TMEM117: variants seen among roughly 807,000 people sequenced by gnomAD.
TMEM117 encodes transmembrane protein 117.
TMEM117 carries 27 observed loss-of-function variants against 52.4 expected under a neutral mutation model. The observed-to-expected ratio is 0.51, with a 90% CI of 0.38 to 0.71. TMEM117 has a LOEUF of 0.71. TMEM117 is among the 30% of genes least tolerant of loss of function. The probability of loss-of-function intolerance (pLI) is 0.00; values close to 1 mark genes in which losing one functional copy is unlikely to be tolerated. For missense variants in TMEM117, 556 were observed against 630.5 expected (o/e 0.88, Z 1.26); for synonymous variants, 215 against 206.3 (o/e 1.04, Z -0.36).
chr12:43,818,432 TG>T, the TMEM117 span, among the ~76,000 whole-genome samples: 1 of 148,552 alleles, frequency 6.7e-6, no homozygotes, highest in South Asian at 2.1e-4. Context: ...TTTTTTTTTG[TG>T]TTTTTTTTTT....
intron 4 of TMEM117, among the ~76,000 whole-genome samples, chr12:44,155,785 A>G (rs1034012954): frequency 4.6e-5 from 7 of 152,076 alleles, no homozygotes; most frequent in African/African-American, 1.7e-4. Context: ...CTTCAGCAGA[A>G]AGTCTGCCCT....
intron 2 of TMEM117, among the ~76,000 whole-genome samples, chr12:43,874,447 CA>C (rs1943758445): frequency 6.6e-6 from 1 of 151,806 alleles, no homozygotes; most frequent in African/African-American, 2.4e-5. Flanking sequence ...AAAATTTAGC[CA>C]GGCCTGGTGG....
At chr12:43,947,319 A>G (rs890304376) in intron 3 of TMEM117, among the ~76,000 whole-genome samples, 2 of 152,332 alleles carry the variant, frequency 1.3e-5, no homozygotes, top group African/African-American at 2.4e-5. Flanking sequence ...TGGGTGAAAC[A>G]ACAAGACTCT....
chr12:44,037,454 G>T (rs913347419), intron 3 of TMEM117, among the ~76,000 whole-genome samples: 1 of 152,062 alleles, frequency 6.6e-6, no homozygotes, highest in Non-Finnish European at 1.5e-5. Flanking sequence ...GACTCCTGCC[G>T]CCTCGGCCCC....
chr12:43,942,401 T>G (rs1945058146), intron 2 of TMEM117, among the ~76,000 whole-genome samples: 1 of 152,236 alleles, frequency 6.6e-6, no homozygotes, highest in Non-Finnish European at 1.5e-5. Flanking sequence ...TGTGGAGGCT[T>G]GAAAATCCCT....
chr12:43,914,020 A>G (rs568745076), intron 2 of TMEM117, among the ~76,000 whole-genome samples: 188 of 152,296 alleles, frequency 1.2e-3, no homozygotes, highest in Non-Finnish European at 2.2e-3. Context: ...TGTGAAAGAT[A>G]GAAATGCTTT....
chr12:44,114,463 G>A (rs1188352109), intron 3 of TMEM117, among the ~76,000 whole-genome samples: 1 of 152,124 alleles, frequency 6.6e-6, no homozygotes, highest in Non-Finnish European at 1.5e-5. Context: ...CAGGAGTACT[G>A]AACCCAGATC....
chr12:43,982,121 G>A (rs549215125), intron 3 of TMEM117, among the ~76,000 whole-genome samples: 1 of 152,248 alleles, frequency 6.6e-6, no homozygotes, highest in South Asian at 2.1e-4. Flanking sequence ...ATTGTACCCT[G>A]TAAATATGTA....
intron 5 of TMEM117, among the ~76,000 whole-genome samples, chr12:44,284,015 A>G (rs1950608512): frequency 6.6e-6 from 1 of 152,008 alleles, no homozygotes; most frequent in African/African-American, 2.4e-5. Flanking sequence ...TGCTGGGGCC[A>G]TGTAAGAAGT....
chr12:43,874,438 A>AC (rs1266632737), intron 2 of TMEM117, among the ~76,000 whole-genome samples: 1 of 151,436 alleles, frequency 6.6e-6, no homozygotes, highest in Non-Finnish European at 1.5e-5. Flanking sequence ...AAAAAAAAAA[A>AC]AATTTAGCCA....
At chr12:44,214,686 AT>A (rs1344570556) in intron 5 of TMEM117, among the ~76,000 whole-genome samples, 1 of 152,200 alleles carries the variant, frequency 6.6e-6, no homozygotes, top group Non-Finnish European at 1.5e-5. Context: ...TCACTGTTAT[AT>A]TTCAAAAGTA....
At chr12:43,859,889 C>T (rs1565722327) in intron 2 of TMEM117, among the ~76,000 whole-genome samples, 1 of 152,152 alleles carries the variant, frequency 6.6e-6, no homozygotes, top group Non-Finnish European at 1.5e-5. Context: ...GATCATCTTA[C>T]TTTATTCTCC....
chr12:44,308,236 A>C (rs996802384), intron 6 of TMEM117, among the ~76,000 whole-genome samples: 4 of 152,224 alleles, frequency 2.6e-5, no homozygotes, highest in Non-Finnish European at 4.4e-5. Context: ...ACTACTGCAG[A>C]TGGGCAGGAA....
At chr12:44,292,382 G>C (rs1406978943) in intron 5 of TMEM117, among the ~76,000 whole-genome samples, 1 of 151,442 alleles carries the variant, frequency 6.6e-6, no homozygotes, top group Non-Finnish European at 1.5e-5. Flanking sequence ...TATCAATTTT[G>C]TTTATATTTT....
intron 1 of TMEM117, among the ~76,000 whole-genome samples, chr12:43,837,021 AAGT>A (rs1311265171): frequency 2.0e-5 from 3 of 152,132 alleles, no homozygotes; most frequent in African/African-American, 7.2e-5. Flanking sequence ...TTGAATATAA[AAGT>A]AGTTGAATCC....
At chr12:44,348,169 A>G (rs997624335) in intron 6 of TMEM117, among the ~76,000 whole-genome samples, 5 of 152,034 alleles carry the variant, frequency 3.3e-5, no homozygotes, top group Non-Finnish European at 5.9e-5. Context: ...CATAAAGAAC[A>G]TCTCAGAAAT....
At chr12:44,223,570 C>G (rs1442474575) in intron 5 of TMEM117, among the ~76,000 whole-genome samples, 1 of 152,148 alleles carries the variant, frequency 6.6e-6, no homozygotes, top group East Asian at 1.9e-4. Context: ...CACATGGTTT[C>G]AAAACAAAGG....
chr12:44,126,746 AAGAGGATT>A (rs2138154614), intron 3 of TMEM117, among the ~76,000 whole-genome samples: 1 of 152,338 alleles, frequency 6.6e-6, no homozygotes, highest in East Asian at 1.9e-4. Flanking sequence ...CTCTATTCTC[AAGAGGATT>A]TTAAAATGAA....
chr12:44,126,392 A>G (rs1417777925), intron 3 of TMEM117, among the ~76,000 whole-genome samples: 1 of 152,196 alleles, frequency 6.6e-6, no homozygotes, highest in Non-Finnish European at 1.5e-5. Flanking sequence ...TTCTTCACTC[A>G]TTTAACTCTA....
Sources: gnomAD v4.1 joint callset for allele counts (sites outside exome capture counted in the v4.1 genomes callset) on GRCh38, gnomAD v4.1.1 for gene constraint, MANE v1.5 for transcripts, NCBI Gene and HGNC (gene_info 2026-07-23, HGNC 2026-07-21) for gene names.